Variants in ZNF804A observed in about 807,000 individuals in gnomAD.
The protein encoded by ZNF804A is zinc finger protein 804A.
ZNF804A carries 2 observed loss-of-function variants against 16.5 expected under a neutral mutation model. That is an observed-to-expected ratio of 0.12 (90% CI 0.05 to 0.38). ZNF804A has a LOEUF of 0.38. Among genes scored for constraint, ZNF804A ranks in the 10% least tolerant of loss-of-function variants. The pLI, the probability that ZNF804A is intolerant of heterozygous loss-of-function variation, is 0.99. For synonymous variants in ZNF804A, 534 were observed against 489.6 expected (o/e 1.09, Z -1.20); for missense variants, 1,473 against 1,390.7 (o/e 1.06, Z -0.94).
At chr2:184,886,723 G>A (rs1159493263) in intron 2 of ZNF804A, among the ~76,000 whole-genome samples, 1 of 152,232 alleles carries the variant, frequency 6.6e-6, no homozygotes, top group East Asian at 1.9e-4. Context: ...CAAAGCCACA[G>A]CCCAAGCTGT....
At chr2:184,928,277 GAA>G (rs1293177525) in intron 2 of ZNF804A, among the ~76,000 whole-genome samples, 2 of 152,080 alleles carry the variant, frequency 1.3e-5, no homozygotes, top group Non-Finnish European at 2.9e-5. Context: ...ATGTTTTCCT[GAA>G]GCTGGGACCT....
chr2:184,713,490 A>G (rs1170171468), intron 1 of ZNF804A, among the ~76,000 whole-genome samples: 1 of 151,956 alleles, frequency 6.6e-6, no homozygotes, highest in African/African-American at 2.4e-5. Context: ...ATGAGTGATA[A>G]TAGGTTGTAT....
chr2:184,858,007 T>C (rs1695730125), intron 1 of ZNF804A, among the ~76,000 whole-genome samples: 1 of 152,126 alleles, frequency 6.6e-6, no homozygotes, highest in African/African-American at 2.4e-5. Flanking sequence ...AATTGTTTTC[T>C]GGTTATTTTG....
chr2:184,749,746 A>T (rs979289449), intron 1 of ZNF804A, among the ~76,000 whole-genome samples: 3 of 151,244 alleles, frequency 2.0e-5, no homozygotes, highest in Non-Finnish European at 4.4e-5. Flanking sequence ...TTATTACTTT[A>T]TGGCATTTCT....
intron 1 of ZNF804A, among the ~76,000 whole-genome samples, chr2:184,763,540 T>TA (rs1694071901): frequency 6.6e-6 from 1 of 151,116 alleles, no homozygotes; most frequent in Non-Finnish European, 1.5e-5. Flanking sequence ...AACCCACCAT[T>TA]ATGAAGGCCA....
intron 2 of ZNF804A, among the ~76,000 whole-genome samples, chr2:184,894,076 G>A (rs552937553): frequency 1.8e-4 from 27 of 152,060 alleles, no homozygotes; most frequent in East Asian, 5.8e-4. Context: ...GAACAACAAT[G>A]CATTATTAAT....
chr2:184,692,329 T>C (rs1692745893), intron 1 of ZNF804A, among the ~76,000 whole-genome samples: 1 of 152,188 alleles, frequency 6.6e-6, no homozygotes, highest in East Asian at 1.9e-4. Flanking sequence ...GCGCCATGTG[T>C]TGAATTCATT....
chr2:184,799,333 G>A (rs1694686959), intron 1 of ZNF804A, among the ~76,000 whole-genome samples: 1 of 151,896 alleles, frequency 6.6e-6, no homozygotes, highest in South Asian at 2.1e-4. Flanking sequence ...AACTAGCCTT[G>A]CATACTCATA....
intron 1 of ZNF804A, among the ~76,000 whole-genome samples, chr2:184,808,821 A>G (rs947692694): frequency 2.6e-5 from 4 of 151,834 alleles, no homozygotes; most frequent in African/African-American, 9.7e-5. Flanking sequence ...AACTATTTTT[A>G]GTATTTTATT....
chr2:184,747,981 A>AT (rs967706834), intron 1 of ZNF804A, among the ~76,000 whole-genome samples: 5 of 151,180 alleles, frequency 3.3e-5, no homozygotes, highest in Admixed American at 6.6e-5. Context: ...AAAGGACATA[A>AT]TTTTTTTTAT....
At chr2:184,803,225 T>C (rs1447568065) in intron 1 of ZNF804A, among the ~76,000 whole-genome samples, 1 of 152,154 alleles carries the variant, frequency 6.6e-6, no homozygotes, top group African/African-American at 2.4e-5. Flanking sequence ...TAAAGTGCTC[T>C]TCAGGAGTTA....
At chr2:184,878,827 G>T (rs543430867) in intron 2 of ZNF804A, among the ~76,000 whole-genome samples, 2 of 151,756 alleles carry the variant, frequency 1.3e-5, no homozygotes, top group African/African-American at 4.8e-5. Flanking sequence ...AAAAATATTT[G>T]TTTTTTTATT....
chr2:184,816,336 G>A (rs968472884), intron 1 of ZNF804A, among the ~76,000 whole-genome samples: 20 of 151,904 alleles, frequency 1.3e-4, no homozygotes, highest in African/African-American at 4.8e-4. Flanking sequence ...TTGGAATACA[G>A]TTTTACCTTT....
intron 1 of ZNF804A, among the ~76,000 whole-genome samples, chr2:184,734,465 T>C (rs562962940): frequency 3.9e-5 from 6 of 152,220 alleles, no homozygotes; most frequent in Non-Finnish European, 8.8e-5. Context: ...CTAAATATTT[T>C]GGGATTTTCC....
chr2:184,683,688 T>C (rs1692578192), intron 1 of ZNF804A, among the ~76,000 whole-genome samples: 1 of 152,108 alleles, frequency 6.6e-6, no homozygotes, highest in Non-Finnish European at 1.5e-5. Flanking sequence ...ACAAAAAAAT[T>C]GTACAATGCT....
intron 1 of ZNF804A, among the ~76,000 whole-genome samples, chr2:184,831,889 T>G (rs564813275): frequency 6.6e-6 from 1 of 152,130 alleles, no homozygotes; most frequent in African/African-American, 2.4e-5. Context: ...AATGGAACCT[T>G]GCATTTTTTG....
At chr2:184,868,887 A>G (rs1045600531) in intron 2 of ZNF804A, among the ~76,000 whole-genome samples, 2 of 152,112 alleles carry the variant, frequency 1.3e-5, no homozygotes, top group African/African-American at 2.4e-5. Context: ...TCTTCATAAA[A>G]TATTAAGCTC....
chr2:184,679,095 T>TGTTAATTG (rs1692489712), intron 1 of ZNF804A, among the ~76,000 whole-genome samples: 1 of 152,210 alleles, frequency 6.6e-6, no homozygotes, highest in Admixed American at 6.5e-5. Flanking sequence ...AAATTTGTAC[T>TGTTAATTG]GTTAATTGGC....
At chr2:184,710,359 C>T (rs1365515279) in intron 1 of ZNF804A, among the ~76,000 whole-genome samples, 1 of 151,538 alleles carries the variant, frequency 6.6e-6, no homozygotes, top group African/African-American at 2.4e-5. Context: ...TACTTTCATT[C>T]ACTGTTGAAT....
Sources: gnomAD v4.1 joint callset for allele counts (sites outside exome capture counted in the v4.1 genomes callset) on GRCh38, gnomAD v4.1.1 for gene constraint, MANE v1.5 for transcripts, NCBI Gene and HGNC (gene_info 2026-07-23, HGNC 2026-07-21) for gene names.